PCDHGB7: variants seen among roughly 807,000 people sequenced by gnomAD.
PCDHGB7 encodes the protein protocadherin gamma-B7.
In PCDHGB7, 37 loss-of-function variants were observed where a neutral mutation model predicts 61.4. The ratio of observed to expected loss-of-function variants is 0.60; its 90% CI spans 0.46 to 0.79. The LOEUF is 0.79. Among genes scored for constraint, PCDHGB7 ranks in the 30% least tolerant of loss-of-function variants. The probability of loss-of-function intolerance (pLI) is 0.00; values close to 1 mark genes in which losing one functional copy is unlikely to be tolerated. For synonymous variants in PCDHGB7, 464 were observed against 503.5 expected (o/e 0.92, Z 1.05); for missense variants, 1,166 against 1,202.5 (o/e 0.97, Z 0.45).
At chr5:141,454,870 C>T (rs2098805291) in intron 1 of PCDHGB7, among the ~76,000 whole-genome samples, 1 of 131,902 alleles carries the variant, frequency 7.6e-6, no homozygotes, top group Non-Finnish European at 1.5e-5. Context: ...TGCAGTGGCA[C>T]GATCTTGGCT....
At chr5:141,502,768 T>C (rs1389860952) in intron 2 of PCDHGB7, among the ~76,000 whole-genome samples, 1 of 152,154 alleles carries the variant, frequency 6.6e-6, no homozygotes, top group East Asian at 1.9e-4. Context: ...GCTGGTATTC[T>C]TCTGAAAATT....
intron 1 of PCDHGB7, chr5:141,423,461 A>G (rs1590478217): frequency 6.2e-7 from 1 of 1,613,982 alleles, no homozygotes; most frequent in Non-Finnish European, 8.5e-7. Context: ...GTAGGCGTGG[A>G]CGGGGTACAG....
chr5:141,446,633 C>T (rs2098509543), intron 1 of PCDHGB7, among the ~76,000 whole-genome samples: 4 of 152,208 alleles, frequency 2.6e-5, no homozygotes, highest in East Asian at 1.9e-4. Flanking sequence ...TGCACCACCA[C>T]GCCTGGCTAA....
At chr5:141,428,024 A>G (rs2097101613) in intron 1 of PCDHGB7, 1 of 1,606,106 alleles carries the variant, frequency 6.2e-7, no homozygotes, top group African/African-American at 1.3e-5. Context: ...CACGCGCCGC[A>G]GAGTCCGGCT....
intron 1 of PCDHGB7, among the ~76,000 whole-genome samples, chr5:141,447,463 C>T (rs1004772636): frequency 6.6e-6 from 1 of 152,142 alleles, no homozygotes; most frequent in African/African-American, 2.4e-5. Context: ...AGTTTTTCTT[C>T]ACCATCTGTA....
At position 141,493,093 on chromosome 5, in the gene PCDHGB7, A is replaced by G. The variant is rs78102761; in HGVS notation, c.2416-1714A>G. On this transcript the variant is annotated intron_variant, in intron 1 of 3. Transcript: ENST00000398594. The surrounding 1 kb of genome is among the most constrained non-coding windows in gnomAD (Gnocchi z 4.3). ...CTCCAACTCCAGGAGCTTTTATTCA[A>G]AATATATCAATGCCTAACTCTGCTC... 0.034 allele frequency among the ~76,000 whole-genome samples: 5,198 copies of G among 152,282 alleles called. 159 individuals carry two copies. Among genetic ancestry groups the G allele is most frequent in the African/African-American group, 0.079 (3,275 of 41,546 alleles).
At chr5:141,504,671 G>C (rs1459848730) in intron 2 of PCDHGB7, among the ~76,000 whole-genome samples, 1 of 111,068 alleles carries the variant, frequency 9.0e-6, no homozygotes, top group East Asian at 3.2e-4. Context: ...GGGGGGTGGG[G>C]GTTCTTGTAA....
intron 1 of PCDHGB7, among the ~76,000 whole-genome samples, chr5:141,467,789 G>A (rs1264350552): frequency 6.6e-6 from 1 of 152,066 alleles, no homozygotes; most frequent in Non-Finnish European, 1.5e-5. Context: ...CTCTCAAGTA[G>A]CTGGGACTAC....
Position 141,419,549 on chromosome 5 carries a change from T to C in PCDHGB7, c.1690T>C (p.Tyr564His). Residue 564 changes from tyrosine (Y) to histidine (H), a missense_variant, in exon 1 of 4, where the codon TAC becomes CAC. Tyr to His is a moderately conservative substitution (Grantham distance 83, BLOSUM62 2). Coordinates refer to ENST00000398594, the MANE Select transcript of PCDHGB7 (RefSeq NM_018927.4). Reference protein sequence around the residue: ...DRNDNAPRVLYPALGPDGSAL... With the variant: ...DRNDNAPRVLHPALGPDGSAL... ...TAACGACAACGCACCGCGGGTGCTGTACCCTGCGCTGGGTCCCGACGGCTC... is the reference window on the plus strand; with the variant it reads ...TAACGACAACGCACCGCGGGTGCTGCACCCTGCGCTGGGTCCCGACGGCTC... The C allele has an allele frequency of 6.2e-7, 1 of 1,612,006 alleles. No individual in the cohort carries two copies. The highest frequency in any genetic ancestry group is 8.5e-7 in the Non-Finnish European group (1 of 1,179,460).
intron 1 of PCDHGB7, among the ~76,000 whole-genome samples, chr5:141,465,276 C>A (rs558169180): frequency 6.6e-6 from 1 of 152,254 alleles, no homozygotes; most frequent in South Asian, 2.1e-4. Context: ...CCATTTAGTT[C>A]ACCCCTAAAG....
At position 141,438,631 on chromosome 5, in the gene PCDHGB7, T is replaced by C. The variant is rs1227796079; in HGVS notation, c.2415+18357T>C. 6.5e-4 allele frequency among the ~76,000 whole-genome samples: 28 copies of C among 43,202 alleles called. 1 individual carries two copies. Among genetic ancestry groups the C allele is most frequent in the Non-Finnish European group, 8.8e-4 (23 of 26,272 alleles). 28.3% of individuals were successfully genotyped at this position (43,202 alleles called of 152,430 possible). On this transcript the variant is annotated intron_variant, in intron 1 of 3. Transcript: ENST00000398594. ...ATATATATATATATATATATATATATATATACACACACACACACACATATA... is the reference window on the plus strand; with the variant it reads ...ATATATATATATATATATATATATACATATACACACACACACACACATATA...
rs776293224 is a variant in PCDHGB7, at chr5:141,477,889, A to G, written c.2416-16918A>G. Reference sequence around the variant, plus strand: ...GTACCTCAGCTGGCCACCTAGTGTCACGGGTGGTAGGCTGGGACGCGGATG... The same window carrying G: ...GTACCTCAGCTGGCCACCTAGTGTCGCGGGTGGTAGGCTGGGACGCGGATG... On this transcript the variant is annotated intron_variant, in intron 1 of 3. Coordinates refer to ENST00000398594, the MANE Select transcript of PCDHGB7 (RefSeq NM_018927.4). This position sits in a 1 kb window ranked among gnomAD's most constrained non-coding sequence, Gnocchi z 4.9. The G allele has an allele frequency of 1.8e-5, 29 of 1,614,034 alleles. No individual in the cohort carries two copies. Among genetic ancestry groups the G allele is most frequent in the Non-Finnish European group, 2.5e-5 (29 of 1,180,026 alleles).
chr5:141,435,922 G>A (rs1312886163), intron 1 of PCDHGB7, among the ~76,000 whole-genome samples: 1 of 152,070 alleles, frequency 6.6e-6, no homozygotes, highest in Non-Finnish European at 1.5e-5. Context: ...TCTAAAATGC[G>A]GCAGTTGCTG....
chr5:141,419,566 C>T lies in PCDHGB7; in HGVS notation c.1707C>T (p.Pro569=), dbSNP rs765992004. The T allele has an allele frequency of 2.5e-6, 4 of 1,611,790 alleles. No individual in the cohort carries two copies. The highest frequency in any genetic ancestry group is 2.2e-5 in the East Asian group (1 of 44,874). The change falls in exon 1 of 4, where the codon CCC becomes CCT. Residue 569 remains proline (P), a synonymous_variant. Coordinates refer to ENST00000398594, the MANE Select transcript of PCDHGB7 (RefSeq NM_018927.4). The stretch of plus-strand genomic sequence containing the variant: ...GGGTGCTGTACCCTGCGCTGGGTCC[C>T]GACGGCTCCGCGCTCTTCGACACAG... ...APRVLYPALG[P]DGSALFDTVP...
In PCDHGB7 at chr5:141,476,012, T is replaced by C. The variant is rs2099383969; in HGVS notation, c.2416-18795T>C. The stretch of plus-strand genomic sequence containing the variant: ...CAAATCAACGGCATCCAGAAAGCCA[T>C]GTCGGACTCGGCGCCCAGCGCCCAA... On this transcript the variant is annotated intron_variant, in intron 1 of 3. Coordinates refer to ENST00000398594, the MANE Select transcript of PCDHGB7 (RefSeq NM_018927.4). This position sits in a 1 kb window ranked among gnomAD's most constrained non-coding sequence, Gnocchi z 7.6. 7.6e-7 allele frequency: 1 copy of C among 1,317,178 alleles called. No individual in the cohort carries two copies. The highest frequency in any genetic ancestry group is 1.4e-5 in the South Asian group (1 of 69,696). The allele number at this position is 1,317,178 out of a possible 1,614,324, so 81.6% of individuals were successfully genotyped here. A position where few individuals can be genotyped will look rare whatever the true frequency, so the allele number is the denominator to read the frequency against.
chr5:141,491,143 C>A lies in PCDHGB7; in HGVS notation c.2416-3664C>A. 1.2e-6 allele frequency: 2 copies of A among 1,614,142 alleles called. No homozygotes were observed. Among genetic ancestry groups the A allele is most frequent in the South Asian group, 1.1e-5 (1 of 91,082 alleles). On this transcript the variant is annotated intron_variant, in intron 1 of 3. Transcript: ENST00000398594. This position sits in a 1 kb window ranked among gnomAD's most constrained non-coding sequence, Gnocchi z 6.9. ...TGAGGTGCGCACAGCCCGGGCCTTA[C>A]TGGAGGATGACTCTGACACCCAGCA... is the stretch of plus-strand genomic sequence containing the variant.
At chr5:141,426,775 A>G (rs2096959432) in intron 1 of PCDHGB7, 1 of 456,496 alleles carries the variant, frequency 2.2e-6, no homozygotes, top group South Asian at 1.5e-5. Context: ...GTAGGGCCTC[A>G]CTCTCTCCAG....
Position 141,485,294 on chromosome 5 carries a change from G to A in PCDHGB7, c.2416-9513G>A, listed in dbSNP as rs2099611126. Reference sequence around the variant, plus strand: ...CTACCCGGTCCCAGAGGAGTCACAGGAAGGGACTTTTGTAGGGAATGTCGC... The same window carrying A: ...CTACCCGGTCCCAGAGGAGTCACAGAAAGGGACTTTTGTAGGGAATGTCGC... On this transcript the variant is annotated intron_variant, in intron 1 of 3. Coordinates refer to ENST00000398594, the MANE Select transcript of PCDHGB7 (RefSeq NM_018927.4). The surrounding 1 kb of genome is among the most constrained non-coding windows in gnomAD (Gnocchi z 5.7). The A allele has an allele frequency of 6.2e-7, 1 of 1,614,044 alleles. No homozygotes were observed. Among genetic ancestry groups the A allele is most frequent in the Non-Finnish European group, 8.5e-7 (1 of 1,179,988 alleles).
intron 1 of PCDHGB7, chr5:141,430,973 A>G: frequency 6.2e-7 from 1 of 1,613,266 alleles, no homozygotes; most frequent in East Asian, 2.2e-5. Flanking sequence ...CAGAGGTAGG[A>G]CGCAGCTTTT....
Sources: allele counts gnomAD v4.1 joint callset (sites outside exome capture counted in the v4.1 genomes callset), GRCh38; gene constraint gnomAD v4.1.1; non-coding constraint Gnocchi (gnomAD v3.1); transcripts MANE v1.5; gene names NCBI Gene and HGNC (gene_info 2026-07-23, HGNC 2026-07-21).